PARP4: variants seen among roughly 807,000 people sequenced by gnomAD.
PARP4 encodes protein mono-ADP-ribosyltransferase PARP4.
PARP4 carries 120 observed loss-of-function variants against 187.7 expected under a neutral mutation model. The ratio of observed to expected loss-of-function variants is 0.64; its 90% CI spans 0.55 to 0.74. PARP4 has a LOEUF of 0.74. PARP4 is among the 30% of genes least tolerant of loss of function. PARP4 has a pLI of 0.00. For missense variants in PARP4, 1,836 were observed against 2,070.5 expected (o/e 0.89, Z 2.20); for synonymous variants, 654 against 740.9 (o/e 0.88, Z 1.90).
chr13:24,449,350 T>A (rs2039947), intron 25 of PARP4, among the ~76,000 whole-genome samples: 23 of 144,694 alleles, frequency 1.6e-4, no homozygotes, highest in African/African-American at 3.2e-4. Context: ...ATGGCGCCAC[T>A]GCACTCCAGC....
Position 24,449,635 on chromosome 13 carries a change from A to G in PARP4, c.3114+83T>C. ...TACGGCTCCCCTCTCATTCAAGGAA[A>G]CACAGATATTCCTATTTCTTAGTCT... On this transcript the variant is annotated intron_variant, in intron 25 of 33. Transcript: ENST00000381989. 5 of 804,782 alleles carry G rather than the reference A, an allele frequency of 6.2e-6. No homozygotes were observed. In the South Asian group the frequency reaches 7.9e-5, roughly 13 times the overall value. The allele number at this position is 804,782 out of a possible 1,614,324, so 49.9% of individuals were successfully genotyped here.
chr13:24,425,543 A>ATG (rs34792097), intron 33 of PARP4, among the ~76,000 whole-genome samples: 2,518 of 144,974 alleles, frequency 0.017, 69 homozygotes, highest in African/African-American at 0.055. Flanking sequence ...GCATGTGTGC[A>ATG]TGTGTGTGTG....
intron 28 of PARP4, among the ~76,000 whole-genome samples, chr13:24,443,396 T>G (rs6490933): frequency 0.99 from 151,116 of 152,026 alleles, 75,114 homozygotes; most frequent in Middle Eastern, 1. Context: ...AGCCCTCCTC[T>G]GGCTTCTTCT....
At chr13:24,445,423 T>A (rs1483080788) in intron 27 of PARP4, among the ~76,000 whole-genome samples, 3 of 151,732 alleles carry the variant, frequency 2.0e-5, no homozygotes, top group Non-Finnish European at 4.4e-5. Context: ...CTCCCCAACC[T>A]CCAGAGAGGG....
rs1871857328 is a variant in PARP4 at position 24,456,469 on chromosome 13, A to C, written c.2434T>G (p.Cys812Gly). 2 of 1,599,256 alleles carry C rather than the reference A, an allele frequency of 1.3e-6. No individual in the cohort carries two copies. The highest frequency in any genetic ancestry group is 1.7e-6 in the Non-Finnish European group (2 of 1,168,302). ...THELKQKRTD[C>G]KAVISTMEGS... ...TCCATGGTGCTAATGACAGCTTTGC[A>C]GTCTGTGCGCTGCAAAACAAACACC... The change falls in exon 21 of 34, where the codon TGC becomes GGC. Residue 812 changes from cysteine to glycine, a missense_variant. Cys to Gly is a radical substitution (Grantham distance 159, BLOSUM62 -3). Coordinates refer to ENST00000381989, the MANE Select transcript of PARP4 (RefSeq NM_006437.4).
chr13:24,457,260 G>A (rs544340701), intron 20 of PARP4, among the ~76,000 whole-genome samples: 2 of 152,316 alleles, frequency 1.3e-5, no homozygotes, highest in East Asian at 3.9e-4. Flanking sequence ...GTGCTAGAGT[G>A]TCACATGACC....
intron 24 of PARP4, among the ~76,000 whole-genome samples, 187 bp from the exon 25 acceptor site, chr13:24,450,004 T>C (rs79574786): frequency 1.3e-5 from 2 of 152,174 alleles, no homozygotes; most frequent in African/African-American, 4.8e-5. Flanking sequence ...TTTGGCTAAT[T>C]TAAGCTCCCA....
At chr13:24,506,391 G>A (rs1046894714) in intron 1 of PARP4, among the ~76,000 whole-genome samples, 6 of 152,110 alleles carry the variant, frequency 3.9e-5, no homozygotes, top group Admixed American at 6.5e-5. Flanking sequence ...TCCACAGCGT[G>A]GAAGAGGACC....
chr13:24,446,968 A>C (rs570648066), intron 26 of PARP4, 48 bp downstream of exon 26: 1 of 1,534,372 alleles, frequency 6.5e-7, no homozygotes, highest in African/African-American at 1.4e-5. Context: ...AAAAATTAGC[A>C]AAATATATTG....
At position 24,501,768 on chromosome 13, in the gene PARP4, T is replaced by C. The variant is rs745857420; in HGVS notation, c.199A>G (p.Asn67Asp). Residue 67 changes from asparagine (N) to aspartate (D), a missense_variant, in exon 3 of 34, where the codon AAC becomes GAC. Transcript: ENST00000381989. Reference sequence around the variant, plus strand: ...TCTGGGTTTGCAATATGAACGTGGTTCTTTTGGATAGAATTCAGTTGGTAC... The same window carrying C: ...TCTGGGTTTGCAATATGAACGTGGTCCTTTTGGATAGAATTCAGTTGGTAC... ...SQYQLNSIQK[N>D]HVHIANPDFI... 6 of 1,612,678 alleles carry C rather than the reference T, an allele frequency of 3.7e-6. No individual in the cohort carries two copies. Among genetic ancestry groups the C allele is most frequent in the Non-Finnish European group, 5.1e-6 (6 of 1,178,788 alleles).
At chr13:24,452,366 C>A (rs745522831) in intron 24 of PARP4, 40 bp downstream of exon 24, 1 of 1,530,398 alleles carries the variant, frequency 6.5e-7, no homozygotes, top group Non-Finnish European at 8.9e-7. Flanking sequence ...GACGACCTCC[C>A]CGTGGGTCTG....
At chr13:24,428,972 T>C (rs1359220583) in intron 32 of PARP4, among the ~76,000 whole-genome samples, 1 of 152,136 alleles carries the variant, frequency 6.6e-6, no homozygotes, top group African/African-American at 2.4e-5. Context: ...CCTTTTGATA[T>C]CATTCCACAG....
intron 1 of PARP4, among the ~76,000 whole-genome samples, chr13:24,504,435 T>TCCC (rs1007602485): frequency 1.5e-4 from 22 of 144,064 alleles, no homozygotes; most frequent in African/African-American, 5.6e-4. Context: ...TGCCTCAGCC[T>TCCC]CCCGAGTAGC....
intron 17 of PARP4, among the ~76,000 whole-genome samples, chr13:24,461,419 A>G (rs573017376): frequency 1.3e-5 from 2 of 152,336 alleles, no homozygotes; most frequent in South Asian, 2.1e-4. Flanking sequence ...CACTTCTGTT[A>G]TAACACACCA....
intron 15 of PARP4, among the ~76,000 whole-genome samples, chr13:24,471,312 T>C (rs1198106450): frequency 6.6e-6 from 1 of 152,216 alleles, no homozygotes; most frequent in Non-Finnish European, 1.5e-5. Flanking sequence ...CTGCCTGTTC[T>C]AGTTAGCAGG....
intron 20 of PARP4, among the ~76,000 whole-genome samples, chr13:24,458,364 C>T (rs1871999526): frequency 6.6e-6 from 1 of 151,986 alleles, no homozygotes; most frequent in East Asian, 1.9e-4. Context: ...CCACCTCAGC[C>T]TCCCAAAGTG....
chr13:24,426,819 G>A (rs1031545849), intron 32 of PARP4, among the ~76,000 whole-genome samples: 9 of 148,288 alleles, frequency 6.1e-5, no homozygotes, highest in South Asian at 4.3e-4. Flanking sequence ...GTGAACCCGG[G>A]AGGCGGAGCT....
chr13:24,506,311 ATT>A (rs1350909600), intron 1 of PARP4, among the ~76,000 whole-genome samples: 1 of 152,118 alleles, frequency 6.6e-6, no homozygotes, highest in Non-Finnish European at 1.5e-5. Context: ...GACCTCCGCG[ATT>A]TAAAGGCAGT....
intron 5 of PARP4, 69 bp downstream of exon 5, chr13:24,499,229 GAAA>G (rs1200899556): frequency 2.3e-5 from 33 of 1,430,834 alleles, no homozygotes; most frequent in African/African-American, 3.0e-5. Flanking sequence ...GACCGAATAG[GAAA>G]AACACCCAGA....
Sources: gnomAD v4.1 joint callset for allele counts (sites outside exome capture counted in the v4.1 genomes callset) on GRCh38, gnomAD v4.1.1 for gene constraint, MANE v1.5 for transcripts, NCBI Gene and HGNC (gene_info 2026-07-23, HGNC 2026-07-21) for gene names.